Variants in PI4K2B observed in about 807,000 individuals in gnomAD.
PI4K2B encodes phosphatidylinositol 4-kinase type 2 beta.
In PI4K2B, 46 loss-of-function variants were observed where a neutral mutation model predicts 56.6. The ratio of observed to expected loss-of-function variants is 0.81; its 90% CI spans 0.64 to 1.04. PI4K2B has a LOEUF of 1.04. PI4K2B is among the 50% of genes least tolerant of loss of function. The pLI, the probability that PI4K2B is intolerant of heterozygous loss-of-function variation, is 0.00. For synonymous variants in PI4K2B, 211 were observed against 223.8 expected (o/e 0.94, Z 0.51); for missense variants, 556 against 607.7 (o/e 0.91, Z 0.89).
At chr4:25,240,218 G>A (rs1014547480) in intron 1 of PI4K2B, among the ~76,000 whole-genome samples, 1 of 152,162 alleles carries the variant, frequency 6.6e-6, no homozygotes, top group Non-Finnish European at 1.5e-5. Flanking sequence ...ACACCAGGTG[G>A]CATCTCGTAC....
At chr4:25,235,435 A>T (rs557640078) in intron 1 of PI4K2B, among the ~76,000 whole-genome samples, 1 of 152,338 alleles carries the variant, frequency 6.6e-6, no homozygotes, top group African/African-American at 2.4e-5. Context: ...TGTCCTTTAC[A>T]GTTTAAAGAA....
intron 6 of PI4K2B, among the ~76,000 whole-genome samples, chr4:25,262,039 T>C (rs1390031387): frequency 6.6e-6 from 1 of 152,202 alleles, no homozygotes; most frequent in African/African-American, 2.4e-5. Flanking sequence ...CTCATGCCTG[T>C]AATCACAGCA....
rs73252565 is a variant in PI4K2B, at chr4:25,240,637, G to T, written c.268+6206G>T. 2.6e-5 allele frequency among the ~76,000 whole-genome samples: 4 copies of T among 152,278 alleles called. No individual in the cohort carries two copies. The East Asian group carries it at 7.7e-4, about 29-fold the overall frequency. Reference sequence around the variant, plus strand: ...GTTAGTGGGGAGGCAGATATTGGTCGATGTTCCACATAACAAGAATATGCC... The same window carrying T: ...GTTAGTGGGGAGGCAGATATTGGTCTATGTTCCACATAACAAGAATATGCC... On this transcript the variant is annotated intron_variant, in intron 1 of 9. Transcript: ENST00000264864.
At chr4:25,265,198 CAAAAAA>C (rs71188933) in intron 7 of PI4K2B, among the ~76,000 whole-genome samples, 22 of 65,410 alleles carry the variant, frequency 3.4e-4, no homozygotes, top group African/African-American at 1.3e-3. Flanking sequence ...TCTGTCTCAC[CAAAAAA>C]AAAAAAAAAA....
intron 6 of PI4K2B, among the ~76,000 whole-genome samples, chr4:25,262,035 C>T (rs1716499236): frequency 6.6e-6 from 1 of 152,090 alleles, no homozygotes; most frequent in Non-Finnish European, 1.5e-5. Context: ...GTGGCTCATG[C>T]CTGTAATCAC....
At chr4:25,235,904 A>C (rs1383030383) in intron 1 of PI4K2B, among the ~76,000 whole-genome samples, 4 of 152,120 alleles carry the variant, frequency 2.6e-5, no homozygotes, top group Non-Finnish European at 4.4e-5. Flanking sequence ...ATCCCATCCC[A>C]GCATTTTGGG....
chr4:25,278,986 T>C lies in PI4K2B; in HGVS notation c.*1799T>C, dbSNP rs1717206097. 1 of 152,560 alleles carries C rather than the reference T, an allele frequency of 6.6e-6. No homozygotes were observed. The highest frequency in any genetic ancestry group is 1.5e-5 in the Non-Finnish European group (1 of 68,030). The allele number at this position is 152,560 out of a possible 1,614,324, so 9.5% of individuals were successfully genotyped here. A position where few individuals can be genotyped will look rare whatever the true frequency, so the allele number is the denominator to read the frequency against. On this transcript the variant is annotated 3_prime_UTR_variant, in exon 10 of 10. Coordinates refer to ENST00000264864, the MANE Select transcript of PI4K2B (RefSeq NM_018323.4). ...TACATTGGTTGTATTTTGTAAACTT[T>C]CATGAACTGAATTCTTATTTAAATA...
intron 1 of PI4K2B, among the ~76,000 whole-genome samples, chr4:25,241,682 C>T (rs144571107): frequency 7.2e-5 from 11 of 152,176 alleles, no homozygotes; most frequent in African/African-American, 1.7e-4. Context: ...GACACCAAGA[C>T]GGCCACTGCT....
chr4:25,268,705 G>C (rs1716756924), intron 8 of PI4K2B, 129 bp downstream of exon 8: 2 of 612,204 alleles, frequency 3.3e-6, no homozygotes, highest in Non-Finnish European at 2.7e-6. Context: ...ACAGGACAGA[G>C]AGGAATTAGC....
At position 25,256,211 on chromosome 4, in the gene PI4K2B, C is replaced by T. The variant is rs28444905; in HGVS notation, c.625-332C>T. ...GGGATTACAGGCATGAGCCACTGCA[C>T]CCAGCTAACCTGGCATCCTTTCTAA... On this transcript the variant is annotated intron_variant, in intron 3 of 9. Transcript: ENST00000264864. 6.2e-4 allele frequency among the ~76,000 whole-genome samples: 95 copies of T among 152,340 alleles called. 1 individual carries two copies. The highest frequency in any genetic ancestry group is 2.0e-3 in the African/African-American group (84 of 41,570).
At chr4:25,238,988 C>T (rs990966683) in intron 1 of PI4K2B, among the ~76,000 whole-genome samples, 2 of 152,122 alleles carry the variant, frequency 1.3e-5, no homozygotes, top group African/African-American at 2.4e-5. Context: ...CTGATTGGTG[C>T]GTTTACAATC....
At chr4:25,256,020 G>A (rs1435324877) in intron 3 of PI4K2B, among the ~76,000 whole-genome samples, 1 of 152,188 alleles carries the variant, frequency 6.6e-6, no homozygotes, top group Admixed American at 6.5e-5. Context: ...CTGGGCTCAG[G>A]TGATCCTCCC....
intron 1 of PI4K2B, among the ~76,000 whole-genome samples, chr4:25,242,064 A>G (rs1715548660): frequency 6.6e-6 from 1 of 152,182 alleles, no homozygotes; most frequent in Non-Finnish European, 1.5e-5. Context: ...TTAATGTCTT[A>G]GGGTGAGGAT....
intron 1 of PI4K2B, among the ~76,000 whole-genome samples, chr4:25,234,807 C>G (rs1176196840): frequency 6.6e-6 from 1 of 152,164 alleles, no homozygotes; most frequent in African/African-American, 2.4e-5. Context: ...CAGGAAAGTT[C>G]CCGGAGTGGT....
chr4:25,237,288 T>C lies in PI4K2B; in HGVS notation c.268+2857T>C, dbSNP rs146689344. On this transcript the variant is annotated intron_variant, in intron 1 of 9. Coordinates refer to ENST00000264864, the MANE Select transcript of PI4K2B (RefSeq NM_018323.4). ...TTAATATGCGCTAGGCATAGTTCTG[T>C]ATGCTTCATATATATTAATTCATAA... is the stretch of plus-strand genomic sequence containing the variant. Among the ~76,000 whole-genome samples, 573 of 152,366 alleles carry C rather than the reference T, an allele frequency of 3.8e-3. 9 individuals are homozygous for C. Among genetic ancestry groups the C allele is most frequent in the Admixed American group, 0.032 (495 of 15,302 alleles).
intron 4 of PI4K2B, among the ~76,000 whole-genome samples, chr4:25,258,046 A>G (rs1716317922): frequency 6.6e-6 from 1 of 152,194 alleles, no homozygotes. Context: ...CTTCTCCAAC[A>G]AATTGTTTAC....
chr4:25,260,655 C>G (rs1716437293), intron 6 of PI4K2B, 64 bp downstream of exon 6: 1 of 342,250 alleles, frequency 2.9e-6, no homozygotes, highest in Non-Finnish European at 5.2e-6. Context: ...CACACACACA[C>G]ACACACACAT....
chr4:25,243,677 GGT>G (rs1272138319), intron 1 of PI4K2B, among the ~76,000 whole-genome samples: 2 of 152,234 alleles, frequency 1.3e-5, no homozygotes, highest in Non-Finnish European at 2.9e-5. Flanking sequence ...GAGTGATTCA[GGT>G]GACTGGGGAG....
chr4:25,256,572 C>T lies in PI4K2B; in HGVS notation c.654C>T (p.Asn218=), dbSNP rs1253422826. Residue 218 remains asparagine (N), a synonymous_variant, in exon 4 of 10, where the codon AAC becomes AAT. Coordinates refer to ENST00000264864, the MANE Select transcript of PI4K2B (RefSeq NM_018323.4). ...KVVWLVSETF[N]YNAIDRAKSR... Reference sequence around the variant, plus strand: ...TTTGGCTTGTCAGTGAGACATTTAACTATAATGCGATTGACCGTGCAAAAT... The same window carrying T: ...TTTGGCTTGTCAGTGAGACATTTAATTATAATGCGATTGACCGTGCAAAAT... 6.2e-7 allele frequency: 1 copy of T among 1,613,456 alleles called. No individual in the cohort carries two copies. The highest frequency in any genetic ancestry group is 8.5e-7 in the Non-Finnish European group (1 of 1,179,798).
Sources: gnomAD v4.1 joint callset for allele counts (sites outside exome capture counted in the v4.1 genomes callset) on GRCh38, gnomAD v4.1.1 for gene constraint, MANE v1.5 for transcripts, NCBI Gene and HGNC (gene_info 2026-07-23, HGNC 2026-07-21) for gene names.